The following STARD9 variants were observed in gnomAD, a reference collection of about 807,000 sequenced individuals.
STARD9 encodes the protein StAR related lipid transfer domain containing 9, also known as stAR-related lipid transfer protein 9.
Under a neutral mutation model 399.8 loss-of-function variants are expected in STARD9, and 346 were observed. The observed-to-expected ratio is 0.87, with a 90% CI of 0.79 to 0.95. STARD9 has a LOEUF of 0.95. Ranked by LOEUF, STARD9 falls within the 40% of genes least tolerant of loss-of-function variation. STARD9 has a pLI of 0.00. For missense variants in STARD9, 5,832 were observed against 5,667.5 expected (o/e 1.03, Z -0.93); for synonymous variants, 2,203 against 2,143.5 (o/e 1.03, Z -0.77).
At chr15:42,646,549 A>G (rs1003048161) in intron 7 of STARD9, among the ~76,000 whole-genome samples, 2 of 152,190 alleles carry the variant, frequency 1.3e-5, no homozygotes, top group Non-Finnish European at 2.9e-5. Context: ...CACTTCTCTC[A>G]GCCTTCATAG....
At chr15:42,667,209 G>T (rs1345430458) in intron 15 of STARD9, among the ~76,000 whole-genome samples, 3 of 151,632 alleles carry the variant, frequency 2.0e-5, no homozygotes, top group Non-Finnish European at 1.5e-5. Context: ...TTTTGAAACG[G>T]AGTCTCACCC....
At chr15:42,579,885 C>G (rs2058132219) in intron 1 of STARD9, among the ~76,000 whole-genome samples, 1 of 152,172 alleles carries the variant, frequency 6.6e-6, no homozygotes, top group South Asian at 2.1e-4. Context: ...TAGGCATTAT[C>G]TGACACAATA....
intron 3 of STARD9, among the ~76,000 whole-genome samples, chr15:42,625,934 CT>C (rs1222790982): frequency 6.6e-6 from 1 of 151,794 alleles, no homozygotes; most frequent in Admixed American, 6.6e-5. Context: ...ATTTATTTAT[CT>C]TTTTGAGACA....
At chr15:42,635,521 G>T (rs2059402929) in intron 4 of STARD9, among the ~76,000 whole-genome samples, 1 of 151,888 alleles carries the variant, frequency 6.6e-6, no homozygotes, top group Non-Finnish European at 1.5e-5. Context: ...AGTAGAGACG[G>T]GGTTTCACCG....
chr15:42,609,928 A>G (rs1211232382), intron 3 of STARD9, among the ~76,000 whole-genome samples: 4 of 151,826 alleles, frequency 2.6e-5, no homozygotes, highest in African/African-American at 9.7e-5. Flanking sequence ...CCCTATCTCT[A>G]CTAAAAATTC....
chr15:42,685,839 T>C lies in STARD9; in HGVS notation c.4261T>C (p.Ser1421Pro), dbSNP rs2060540980. The C allele has an allele frequency of 6.5e-7, 1 of 1,537,012 alleles. No homozygotes were observed. Among genetic ancestry groups the C allele is most frequent in the South Asian group, 1.2e-5 (1 of 84,068 alleles). Residue 1421 changes from serine to proline, a missense_variant, in exon 23 of 33, where the codon TCT becomes CCT. Around this residue, in one of 2 missense-constraint regions of STARD9, gnomAD observed 5,828 missense variants for 5,651.1 expected, o/e 1.03. Coordinates refer to ENST00000290607, the MANE Select transcript of STARD9 (RefSeq NM_020759.3). The part of the protein sequence containing the change: ...DEHTASAADT[S>P]RLSLWGIQRL... The stretch of plus-strand genomic sequence containing the variant: ...GCACACAGCCTCTGCTGCTGATACG[T>C]CTAGGCTGTCTCTCTGGGGAATTCA...
Position 42,688,946 on chromosome 15 carries a change from C to G in STARD9, c.7368C>G (p.Phe2456Leu), listed in dbSNP as rs991783886. The change falls in exon 23 of 33, where the codon TTC becomes TTG. Residue 2456 changes from phenylalanine (F) to leucine (L), a missense_variant. Phe to Leu is a conservative substitution (Grantham distance 22). Around this residue, in one of 2 missense-constraint regions of STARD9, gnomAD observed 5,828 missense variants for 5,651.1 expected, o/e 1.03. Coordinates refer to ENST00000290607, the MANE Select transcript of STARD9 (RefSeq NM_020759.3). Reference protein sequence around the residue: ...GKDLRITLLGFSTSEDFASEA... With the variant: ...GKDLRITLLGLSTSEDFASEA... ...ACCTCAGAATCACCTTGCTGGGTTT[C>G]AGTACCAGTGAAGATTTTGCTTCTG... The G allele has an allele frequency of 6.5e-7, 1 of 1,537,398 alleles. No homozygotes were observed. Among genetic ancestry groups the G allele is most frequent in the African/African-American group, 1.4e-5 (1 of 73,142 alleles).
chr15:42,668,413 A>T (rs1053205529), intron 15 of STARD9, among the ~76,000 whole-genome samples: 2 of 148,962 alleles, frequency 1.3e-5, no homozygotes, highest in African/African-American at 5.0e-5. Flanking sequence ...CAGTTCTTCC[A>T]TTCCCAGGAT....
chr15:42,580,702 C>T (rs1638543224), intron 1 of STARD9, among the ~76,000 whole-genome samples: 1 of 152,114 alleles, frequency 6.6e-6, no homozygotes, highest in African/African-American at 2.4e-5. Context: ...GTCCCAGCTA[C>T]TCAGGAGGCT....
rs751713542 is a variant in STARD9 at position 42,689,727 on chromosome 15, C to T, written c.8149C>T (p.Pro2717Ser). 16 of 1,537,712 alleles carry T rather than the reference C, an allele frequency of 1.0e-5. No homozygotes were observed. Among genetic ancestry groups the T allele is most frequent in the Admixed American group, 7.8e-5 (4 of 50,996 alleles). The change falls in exon 23 of 33, where the codon CCT (proline) becomes TCT (serine). Residue 2717 changes from proline (P) to serine (S), a missense_variant. By Grantham distance (74) the Pro-to-Ser change is moderately conservative. Coordinates refer to ENST00000290607, the MANE Select transcript of STARD9 (RefSeq NM_020759.3). Reference protein sequence around the residue: ...DATRTPSSADPLAPDSPRSSA... With the variant: ...DATRTPSSADSLAPDSPRSSA... ...AACCAGAACACCTTCCTCAGCTGAT[C>T]CTTTGGCCCCAGACAGTCCTCGTTC...
rs541175648 is a variant in STARD9 at position 42,702,688 on chromosome 15, G to C, written c.13284+6808G>C. Among the ~76,000 whole-genome samples, 6 of 152,320 alleles carry C rather than the reference G, an allele frequency of 3.9e-5. No individual in the cohort carries two copies. In the South Asian group the frequency reaches 1.2e-3, roughly 32 times the overall value. ...CATCCTTTTCTTTCAGATTGAAGAA[G>C]TGCCTTTAGCAGTTGTTATATAAGA... is the stretch of plus-strand genomic sequence containing the variant. On this transcript the variant is annotated intron_variant, in intron 26 of 32. Coordinates refer to ENST00000290607, the MANE Select transcript of STARD9 (RefSeq NM_020759.3).
At chr15:42,588,313 A>G (rs942300080) in intron 3 of STARD9, among the ~76,000 whole-genome samples, 9 of 152,156 alleles carry the variant, frequency 5.9e-5, no homozygotes, top group African/African-American at 2.2e-4. Flanking sequence ...TTAACTGTAT[A>G]AAAATCTAGT....
chr15:42,663,761 T>C (rs2060034921), intron 12 of STARD9, 59 bp from the exon 13 acceptor site: 1 of 1,262,286 alleles, frequency 7.9e-7, no homozygotes, highest in Admixed American at 2.0e-5. Context: ...ACAAGGCAAG[T>C]GATTAAGAGC....
chr15:42,676,208 CTTT>C (rs1476109106), intron 20 of STARD9, among the ~76,000 whole-genome samples: 1 of 152,138 alleles, frequency 6.6e-6, no homozygotes, highest in African/African-American at 2.4e-5. Context: ...GGTATTTCGA[CTTT>C]TTTCATCACT....
At chr15:42,607,193 G>GTTTTT (rs2058745768) in intron 3 of STARD9, among the ~76,000 whole-genome samples, 12 of 31,692 alleles carry the variant, frequency 3.8e-4, no homozygotes, top group South Asian at 1.5e-3. Flanking sequence ...TTTTTCTGGT[G>GTTTTT]CTTTTTTTTT....
intron 26 of STARD9, among the ~76,000 whole-genome samples, chr15:42,696,303 T>C (rs2060845680): frequency 6.6e-6 from 1 of 152,212 alleles, no homozygotes; most frequent in Non-Finnish European, 1.5e-5. Flanking sequence ...AAACTGAGAC[T>C]AAAAGGATAA....
At chr15:42,618,953 T>C (rs770986137) in intron 3 of STARD9, among the ~76,000 whole-genome samples, 56 of 152,182 alleles carry the variant, frequency 3.7e-4, no homozygotes, top group Admixed American at 1.8e-3. Context: ...AATCTGGCAT[T>C]ATCTATTTCA....
intron 9 of STARD9, among the ~76,000 whole-genome samples, chr15:42,659,976 A>T (rs556055664): frequency 1.3e-5 from 2 of 152,256 alleles, no homozygotes. Context: ...CACATCCATC[A>T]AAAGGCAAAT....
Position 42,684,579 on chromosome 15 carries a change from G to C in STARD9, c.3001G>C (p.Ala1001Pro). The change falls in exon 23 of 33, where the codon GCT (alanine) becomes CCT (proline). Residue 1001 changes from alanine (A) to proline (P), a missense_variant. This residue lies in a region of STARD9 where 5,828 missense variants were observed against 5,651.1 expected (regional missense o/e 1.03). Transcript: ENST00000290607. ...RKEGNLGTHK[A>P]AKGASCNSLY... ...AGAAGGGAACCTTGGGACCCACAAG[G>C]CTGCTAAGGGAGCCAGTTGCAATTC... 21 of 1,537,200 alleles carry C rather than the reference G, an allele frequency of 1.4e-5. No homozygotes were observed. The highest frequency in any genetic ancestry group is 1.8e-5 in the Non-Finnish European group (21 of 1,146,898).
Sources: allele counts gnomAD v4.1 joint callset (sites outside exome capture counted in the v4.1 genomes callset), GRCh38; gene constraint gnomAD v4.1.1; regional missense constraint gnomAD v4.1.1; transcripts MANE v1.5; gene names NCBI Gene and HGNC (gene_info 2026-07-23, HGNC 2026-07-21).